The following PRKG1 variants were observed in gnomAD, a reference collection of about 807,000 sequenced individuals.
PRKG1 encodes protein kinase cGMP-dependent 1, also known as cGMP-dependent protein kinase 1.
In PRKG1, 35 loss-of-function variants were observed where a neutral mutation model predicts 88.1. That is an observed-to-expected ratio of 0.40 (90% confidence interval 0.30 to 0.53). PRKG1 has a LOEUF of 0.53. Among genes scored for constraint, PRKG1 ranks in the 20% least tolerant of loss-of-function variants. The pLI, the probability that PRKG1 is intolerant of heterozygous loss-of-function variation, is 0.59. For synonymous variants in PRKG1, 303 were observed against 292.5 expected (o/e 1.04, Z -0.37); for missense variants, 540 against 839.8 (o/e 0.64, Z 4.41).
At chr10:51,134,255 A>G (rs908730641) in intron 1 of PRKG1, among the ~76,000 whole-genome samples, 5 of 152,146 alleles carry the variant, frequency 3.3e-5, no homozygotes, top group African/African-American at 1.2e-4. Context: ...TAATTACTGG[A>G]ATTCCTAAAA....
intron 1 of PRKG1, among the ~76,000 whole-genome samples, chr10:51,104,701 TA>T (rs1564601732): frequency 3.3e-5 from 4 of 122,160 alleles, no homozygotes; most frequent in African/African-American, 1.3e-4. Context: ...ATTTTTATTT[TA>T]TTTATTTATT....
At chr10:51,095,522 C>T (rs1053766706) in intron 1 of PRKG1, among the ~76,000 whole-genome samples, 4 of 152,116 alleles carry the variant, frequency 2.6e-5, no homozygotes, top group Non-Finnish European at 4.4e-5. Flanking sequence ...AAATTAATAG[C>T]CCCAATCTTA....
At chr10:52,032,449 G>A (rs1194509659) in intron 5 of PRKG1, among the ~76,000 whole-genome samples, 3 of 152,072 alleles carry the variant, frequency 2.0e-5, no homozygotes, top group South Asian at 2.1e-4. Flanking sequence ...TGTCCTAATT[G>A]AGATATCCTT....
intron 3 of PRKG1, among the ~76,000 whole-genome samples, chr10:51,743,622 GTTTAA>G (rs1837492081): frequency 2.1e-5 from 2 of 94,658 alleles, no homozygotes; most frequent in South Asian, 6.9e-4. Context: ...CTCCCCACTT[GTTTAA>G]TTTATTTTAT....
intron 2 of PRKG1, among the ~76,000 whole-genome samples, chr10:51,272,187 CAT>C (rs1374794439): frequency 5.3e-5 from 8 of 152,026 alleles, no homozygotes; most frequent in East Asian, 1.9e-4. Context: ...AGCTTTTTTT[CAT>C]ATGTTTGTTG....
chr10:51,438,979 CT>C (rs1304991775), intron 2 of PRKG1, among the ~76,000 whole-genome samples: 2 of 150,488 alleles, frequency 1.3e-5, no homozygotes, highest in Non-Finnish European at 3.0e-5. Flanking sequence ...TAAAAACCAC[CT>C]GGAACCAACA....
intron 7 of PRKG1, among the ~76,000 whole-genome samples, chr10:52,101,721 G>A (rs537993201): frequency 6.6e-5 from 10 of 152,128 alleles, no homozygotes; most frequent in African/African-American, 1.9e-4. Flanking sequence ...TGGCCAAGGC[G>A]ACCTAGCCAG....
chr10:51,559,049 T>C (rs576259977), intron 3 of PRKG1, among the ~76,000 whole-genome samples: 99 of 152,210 alleles, frequency 6.5e-4, no homozygotes, highest in Non-Finnish European at 1.2e-3. Context: ...ATAGTGGTTC[T>C]CTTTTATTAT....
At chr10:51,936,005 C>T (rs1168172442) in intron 5 of PRKG1, among the ~76,000 whole-genome samples, 2 of 152,082 alleles carry the variant, frequency 1.3e-5, no homozygotes, top group African/African-American at 4.8e-5. Flanking sequence ...ATACTGAGCT[C>T]ATCATCTTCC....
intron 1 of PRKG1, among the ~76,000 whole-genome samples, chr10:51,101,792 G>A (rs894183761): frequency 1.2e-4 from 19 of 152,314 alleles, no homozygotes; most frequent in African/African-American, 3.6e-4. Context: ...GCTGAGAAGC[G>A]ATTGGATTTT....
At chr10:51,610,901 G>A (rs1838889525) in intron 3 of PRKG1, among the ~76,000 whole-genome samples, 1 of 152,058 alleles carries the variant, frequency 6.6e-6, no homozygotes, top group South Asian at 2.1e-4. Context: ...GGGCTTGGGG[G>A]GAAAGGGGAG....
chr10:52,260,805 G>A (rs1841416307), intron 10 of PRKG1, among the ~76,000 whole-genome samples: 1 of 151,948 alleles, frequency 6.6e-6, no homozygotes, highest in Non-Finnish European at 1.5e-5. Flanking sequence ...AGTTTATTTA[G>A]CATAAAAGCA....
intron 2 of PRKG1, among the ~76,000 whole-genome samples, chr10:51,206,262 C>T (rs868553399): frequency 9.9e-5 from 15 of 151,826 alleles, no homozygotes; most frequent in East Asian, 5.8e-4. Context: ...GAGGCCGAGG[C>T]GGGTGGATCA....
At position 51,533,036 on chromosome 10, in the gene PRKG1, G is replaced by A. The variant is rs1006782967; in HGVS notation, c.592+65200G>A. Among the ~76,000 whole-genome samples the A allele has an allele frequency of 5.9e-5, 9 of 152,230 alleles. No individual in the cohort carries two copies. The East Asian group carries it at 9.7e-4, about 16-fold the overall frequency. ...CAAAGATGGAGAACCTGACAGTTCC[G>A]AGAAAATATGACTGACCTCAACCTG... On this transcript the variant is annotated intron_variant, in intron 3 of 17. Coordinates refer to ENST00000373980, the MANE Select transcript of PRKG1 (RefSeq NM_006258.4).
chr10:51,527,295 A>G (rs1428964561), intron 3 of PRKG1, among the ~76,000 whole-genome samples: 1 of 152,042 alleles, frequency 6.6e-6, no homozygotes, highest in East Asian at 1.9e-4. Flanking sequence ...ATATAATAAC[A>G]TAGATATTAT....
chr10:51,679,679 G>A (rs548652058), intron 3 of PRKG1, among the ~76,000 whole-genome samples: 2 of 149,756 alleles, frequency 1.3e-5, no homozygotes, highest in East Asian at 2.0e-4. Context: ...AGTGAGGCAG[G>A]AGAATAGGGT....
At chr10:51,969,937 A>G (rs1054813768) in intron 5 of PRKG1, among the ~76,000 whole-genome samples, 4 of 151,676 alleles carry the variant, frequency 2.6e-5, no homozygotes, top group Non-Finnish European at 4.4e-5. Context: ...GAATACCTGT[A>G]TACTTACCAA....
intron 4 of PRKG1, among the ~76,000 whole-genome samples, chr10:51,889,997 A>G (rs535544020): frequency 1.3e-5 from 2 of 152,186 alleles, no homozygotes; most frequent in Admixed American, 6.5e-5. Flanking sequence ...ATTTTCTCCC[A>G]TTCTTTAGGT....
At chr10:51,602,739 T>TAA (rs1267874764) in intron 3 of PRKG1, among the ~76,000 whole-genome samples, 1 of 25,564 alleles carries the variant, frequency 3.9e-5, no homozygotes, top group African/African-American at 1.3e-4. Context: ...TATATGTGTG[T>TAA]GTGTGTGTGT....
Sources: allele counts gnomAD v4.1 joint callset (sites outside exome capture counted in the v4.1 genomes callset), GRCh38; gene constraint gnomAD v4.1.1; transcripts MANE v1.5; gene names NCBI Gene and HGNC (gene_info 2026-07-23, HGNC 2026-07-21).